ACAP2: variants seen among roughly 807,000 people sequenced by gnomAD.
ACAP2 encodes the protein ArfGAP with coiled-coil, ankyrin repeat and PH domains 2, also known as arf-GAP with coiled-coil, ANK repeat and PH domain-containing protein 2.
ACAP2 carries 39 observed loss-of-function variants against 115.8 expected under a neutral mutation model. That is an observed-to-expected ratio of 0.34 (90% CI 0.26 to 0.44). The LOEUF (loss-of-function observed/expected upper bound fraction) is 0.44. ACAP2 is among the 20% of genes least tolerant of loss of function. The pLI, the probability that ACAP2 is intolerant of heterozygous loss-of-function variation, is 1.00. For missense variants in ACAP2, 662 were observed against 927.6 expected, an observed-to-expected ratio of 0.71 and a Z score of 3.72; for synonymous variants, 289 against 315.8, an observed-to-expected ratio of 0.92 and a Z score of 0.90.
Position 195,341,321 on chromosome 3 carries a change from G to GTTTTTTTTTTTTTTTTTTTTTTTT in ACAP2, c.528+1149_528+1150insAAAAAAAAAAAAAAAAAAAAAAAA, listed in dbSNP as rs377628235. ...TTCGTTTGTTTGTTTTATTGTGTGG[G>GTTTTTTTTTTTTTTTTTTTTTTTT]TTTTTTTTTTTTTTTTTTTTTGAGA... is the stretch of plus-strand genomic sequence containing the variant. On this transcript the variant is annotated intron_variant, in intron 6 of 22. Coordinates refer to ENST00000326793, the MANE Select transcript of ACAP2 (RefSeq NM_012287.6). 1.9e-5 allele frequency among the ~76,000 whole-genome samples: 2 copies of GTTTTTTTTTTTTTTTTTTTTTTTT among 107,046 alleles called. 1 individual carries two copies. The highest frequency in any genetic ancestry group is 7.3e-5 in the African/African-American group (2 of 27,318). The allele number at this position is 107,046 out of a possible 152,430, so 70.2% of individuals were successfully genotyped here.
At chr3:195,438,782 G>A (rs893130746) in intron 1 of ACAP2, among the ~76,000 whole-genome samples, 36 of 152,302 alleles carry the variant, frequency 2.4e-4, no homozygotes, top group African/African-American at 7.9e-4. Flanking sequence ...GTATCTAGCC[G>A]GGCATGGTGG....
chr3:195,283,055 G>A (rs80147416), intron 22 of ACAP2, among the ~76,000 whole-genome samples: 3,934 of 152,184 alleles, frequency 0.026, 149 homozygotes, highest in African/African-American at 0.086. Context: ...TTAGATCAGC[G>A]ATTCCCAACT....
In ACAP2 at chr3:195,321,916, G is replaced by T. The variant is rs113531099; in HGVS notation, c.745-1103C>A. On this transcript the variant is annotated intron_variant, in intron 9 of 22. Transcript: ENST00000326793. ...GTGTGAGCCACTGAGCCCAGGGGTG[G>T]TAGTCCTTCAATCTGACACTGTCTA... 4.1e-4 allele frequency among the ~76,000 whole-genome samples: 63 copies of T among 152,198 alleles called. No homozygotes were observed. The Middle Eastern group carries it at 0.017, about 41-fold the overall frequency.
intron 1 of ACAP2, among the ~76,000 whole-genome samples, chr3:195,403,134 T>C (rs1712454002): frequency 6.6e-6 from 1 of 152,156 alleles, no homozygotes; most frequent in South Asian, 2.1e-4. Flanking sequence ...ACCAAAGACC[T>C]GAAGTAACAC....
At chr3:195,337,472 G>A (rs1336348860) in intron 6 of ACAP2, among the ~76,000 whole-genome samples, 2 of 119,884 alleles carry the variant, frequency 1.7e-5, no homozygotes, top group Admixed American at 9.2e-5. Flanking sequence ...TTTTGACACA[G>A]AGTTTTGCTC....
chr3:195,362,789 G>A (rs1732458233), intron 4 of ACAP2, among the ~76,000 whole-genome samples: 1 of 152,072 alleles, frequency 6.6e-6, no homozygotes, highest in African/African-American at 2.4e-5. Context: ...AAAAAACTGG[G>A]TATAGAAGAA....
At chr3:195,395,519 T>C (rs1711686812) in intron 1 of ACAP2, among the ~76,000 whole-genome samples, 1 of 152,196 alleles carries the variant, frequency 6.6e-6, no homozygotes, top group Admixed American at 6.5e-5. Context: ...AAAATAATAT[T>C]TTGTGATGCA....
chr3:195,400,817 A>T (rs1307075252), intron 1 of ACAP2, among the ~76,000 whole-genome samples: 1 of 152,336 alleles, frequency 6.6e-6, no homozygotes, highest in Admixed American at 6.5e-5. Context: ...TATCTCAAAG[A>T]TGGGATATAA....
Position 195,278,080 on chromosome 3 carries a change from CGGG to C in ACAP2, c.*1245_*1247del, listed in dbSNP as rs1726249578. On this transcript the variant is annotated 3_prime_UTR_variant, in exon 23 of 23. Coordinates refer to ENST00000326793, the MANE Select transcript of ACAP2 (RefSeq NM_012287.6). The stretch of plus-strand genomic sequence containing the variant: ...TGGGTGACACAGCAAGACGCCATCT[CGGG>C]AAAAAAAAAAAAAAAAAGCAAATTA... 1 of 131,150 alleles carries C rather than the reference CGGG, an allele frequency of 7.6e-6. No homozygotes were observed. The highest frequency in any genetic ancestry group is 1.6e-5 in the Non-Finnish European group (1 of 62,946). The allele number at this position is 131,150 out of a possible 1,614,324, so 8.1% of individuals were successfully genotyped here.
chr3:195,299,236 G>A (rs1727858968), intron 15 of ACAP2, among the ~76,000 whole-genome samples: 1 of 152,054 alleles, frequency 6.6e-6, no homozygotes, highest in Non-Finnish European at 1.5e-5. Context: ...GGAAAGGAAA[G>A]GATTTTTCAA....
At chr3:195,379,453 G>A (rs889514084) in intron 4 of ACAP2, among the ~76,000 whole-genome samples, 2 of 151,926 alleles carry the variant, frequency 1.3e-5, no homozygotes, top group African/African-American at 2.4e-5. Context: ...TAAAACAAGT[G>A]TAAGTCAACA....
intron 1 of ACAP2, among the ~76,000 whole-genome samples, chr3:195,415,421 C>A (rs191011996): frequency 6.6e-6 from 1 of 151,760 alleles, no homozygotes; most frequent in Admixed American, 6.6e-5. Context: ...GGACTACGGG[C>A]GTGCACCACC....
At chr3:195,328,615 C>G (rs558355372) in intron 8 of ACAP2, among the ~76,000 whole-genome samples, 1 of 152,216 alleles carries the variant, frequency 6.6e-6, no homozygotes, top group African/African-American at 2.4e-5. Flanking sequence ...AGTGGACTAA[C>G]CATCCTAGGG....
At chr3:195,360,108 A>T (rs1180083084) in intron 4 of ACAP2, among the ~76,000 whole-genome samples, 1 of 152,200 alleles carries the variant, frequency 6.6e-6, no homozygotes, top group Non-Finnish European at 1.5e-5. Context: ...AAGAAACAAG[A>T]CGCAATAATC....
intron 4 of ACAP2, among the ~76,000 whole-genome samples, chr3:195,377,556 G>A (rs1041363165): frequency 5.3e-5 from 8 of 152,148 alleles, no homozygotes; most frequent in Non-Finnish European, 1.0e-4. Context: ...CCTAGCCATC[G>A]TCTAATTAAC....
At chr3:195,325,366 T>A in intron 9 of ACAP2, 1 of 419,208 alleles carries the variant, frequency 2.4e-6, no homozygotes, top group Non-Finnish European at 4.6e-6. Flanking sequence ...TTTGAAAAAA[T>A]CTACATAACT....
At chr3:195,440,408 G>A (rs1328829624) in intron 1 of ACAP2, among the ~76,000 whole-genome samples, 1 of 152,184 alleles carries the variant, frequency 6.6e-6, no homozygotes, top group Non-Finnish European at 1.5e-5. Flanking sequence ...GAACAGTGGT[G>A]AAATTTTCAT....
At chr3:195,348,439 G>C (rs1028714168) in intron 4 of ACAP2, among the ~76,000 whole-genome samples, 1 of 151,966 alleles carries the variant, frequency 6.6e-6, no homozygotes, top group Non-Finnish European at 1.5e-5. Flanking sequence ...AGAAAGAACA[G>C]TACTTCTACA....
At chr3:195,282,303 C>G (rs1726558171) in intron 22 of ACAP2, 1 of 152,142 alleles carries the variant, frequency 6.6e-6, no homozygotes, top group African/African-American at 2.4e-5. Context: ...AGTGTTGGTG[C>G]TATAATAATC....
Sources: gnomAD v4.1 joint callset for allele counts (sites outside exome capture counted in the v4.1 genomes callset) on GRCh38, gnomAD v4.1.1 for gene constraint, MANE v1.5 for transcripts, NCBI Gene and HGNC (gene_info 2026-07-23, HGNC 2026-07-21) for gene names.